Variants in WDFY2 observed in about 807,000 individuals in gnomAD.
The protein encoded by WDFY2 is WD repeat and FYVE domain containing 2, also known as WD repeat and FYVE domain-containing protein 2.
WDFY2 carries 36 observed loss-of-function variants against 56.4 expected under a neutral mutation model. The observed-to-expected ratio is 0.64, with a 90% CI of 0.49 to 0.84. The LOEUF is 0.84. Ranked by LOEUF, WDFY2 falls within the 40% of genes least tolerant of loss-of-function variation. The probability of loss-of-function intolerance (pLI) is 0.00; values close to 1 mark genes in which losing one functional copy is unlikely to be tolerated. For missense variants in WDFY2, 444 were observed against 512.2 expected, an observed-to-expected ratio of 0.87 and a Z score of 1.29; for synonymous variants, 176 against 183.7, an observed-to-expected ratio of 0.96 and a Z score of 0.34.
At chr13:51,648,898 G>A (rs1955312455) in intron 1 of WDFY2, among the ~76,000 whole-genome samples, 1 of 152,196 alleles carries the variant, frequency 6.6e-6, no homozygotes, top group African/African-American at 2.4e-5. Flanking sequence ...TGTAATCTCA[G>A]CACTTTGGGA....
chr13:51,698,414 A>T (rs548039593), intron 3 of WDFY2, among the ~76,000 whole-genome samples: 2 of 152,242 alleles, frequency 1.3e-5, no homozygotes, highest in Non-Finnish European at 2.9e-5. Context: ...GGATTTTAAC[A>T]AATTTTGTTT....
chr13:51,656,828 A>G (rs1955517475), intron 1 of WDFY2, among the ~76,000 whole-genome samples: 1 of 151,950 alleles, frequency 6.6e-6, no homozygotes, highest in South Asian at 2.1e-4. Flanking sequence ...TTTGAATGGA[A>G]TGTCTTTTTT....
At chr13:51,687,969 G>C (rs974189883) in intron 3 of WDFY2, among the ~76,000 whole-genome samples, 1 of 152,122 alleles carries the variant, frequency 6.6e-6, no homozygotes, top group Non-Finnish European at 1.5e-5. Flanking sequence ...ATGGGGATGC[G>C]CAGGTCACTG....
chr13:51,599,769 C>T (rs1026667077), intron 1 of WDFY2, among the ~76,000 whole-genome samples: 6 of 152,014 alleles, frequency 3.9e-5, no homozygotes, highest in African/African-American at 1.5e-4. Context: ...TTAATTCTGC[C>T]ATCTTGCAAT....
chr13:51,705,998 G>T (rs1952074715), intron 4 of WDFY2, among the ~76,000 whole-genome samples: 1 of 152,020 alleles, frequency 6.6e-6, no homozygotes, highest in Admixed American at 6.6e-5. Flanking sequence ...CATTTCCTAT[G>T]TCTTTGTTAA....
chr13:51,766,872 G>T lies in WDFY2; in HGVS notation c.*7103G>T, dbSNP rs895412933. On this transcript the variant is annotated 3_prime_UTR_variant, in exon 12 of 12. Coordinates refer to ENST00000298125, the MANE Select transcript of WDFY2 (RefSeq NM_052950.4). ...CTTGCTGTGCTGTTTAGCCCTGTGG[G>T]TTCTGTCCAGTTGGTGGGAGGGGGA... The T allele has an allele frequency of 2.0e-5, 3 of 152,286 alleles. No homozygotes were observed. Among genetic ancestry groups the T allele is most frequent in the African/African-American group, 7.2e-5 (3 of 41,450 alleles). 9.4% of individuals were successfully genotyped at this position (152,286 alleles called of 1,614,324 possible).
chr13:51,647,861 G>A (rs2138418733), intron 1 of WDFY2, among the ~76,000 whole-genome samples: 1 of 150,302 alleles, frequency 6.7e-6, no homozygotes, highest in East Asian at 2.0e-4. Flanking sequence ...GACTATGTAT[G>A]TGTATGCATG....
rs78464025 is a variant in WDFY2, at chr13:51,595,198, C to T, written c.137+10374C>T. Among the ~76,000 whole-genome samples, 333 of 152,228 alleles carry T rather than the reference C, an allele frequency of 2.2e-3. 2 individuals carry two copies. Among genetic ancestry groups the T allele is most frequent in the Admixed American group, 6.0e-3 (92 of 15,282 alleles). ...TGCCCTGAAATGGTATGTCCCTTGT[C>T]CCCACTGGTCTCCTGGACAGCAGGG... On this transcript the variant is annotated intron_variant, in intron 1 of 11. Coordinates refer to ENST00000298125, the MANE Select transcript of WDFY2 (RefSeq NM_052950.4).
chr13:51,717,223 T>A (rs1952373499), intron 4 of WDFY2, among the ~76,000 whole-genome samples: 1 of 152,204 alleles, frequency 6.6e-6, no homozygotes. Context: ...TTATGTATCT[T>A]TGAAATTTTT....
intron 6 of WDFY2, among the ~76,000 whole-genome samples, chr13:51,734,164 T>A (rs1952784670): frequency 6.6e-6 from 1 of 152,178 alleles, no homozygotes; most frequent in African/African-American, 2.4e-5. Context: ...CCCAGCAGTT[T>A]CCAACCCTGA....
chr13:51,686,728 A>G (rs964254411), intron 3 of WDFY2, among the ~76,000 whole-genome samples: 3 of 152,136 alleles, frequency 2.0e-5, no homozygotes, highest in African/African-American at 7.2e-5. Context: ...AAAAAGCAAC[A>G]CATTACTGTG....
intron 1 of WDFY2, among the ~76,000 whole-genome samples, chr13:51,628,917 C>T (rs1409776919): frequency 6.6e-6 from 1 of 152,188 alleles, no homozygotes; most frequent in African/African-American, 2.4e-5. Context: ...TTTGTATGCT[C>T]TGTGGGACTT....
chr13:51,676,110 T>C (rs1955883802), intron 3 of WDFY2, among the ~76,000 whole-genome samples: 1 of 152,176 alleles, frequency 6.6e-6, no homozygotes, highest in African/African-American at 2.4e-5. Context: ...TCTCTCCCAC[T>C]CCATCCTCCC....
rs949660272 is a variant in WDFY2 at position 51,765,816 on chromosome 13, G to C, written c.*6047G>C. On this transcript the variant is annotated 3_prime_UTR_variant, in exon 12 of 12. Transcript: ENST00000298125. ...ATTCTTTTTAAAGATGGTAAGGGTG[G>C]AAATTAATCATGGTACCATCTCATT... The C allele has an allele frequency of 1.3e-5, 2 of 152,160 alleles. No homozygotes were observed. Among genetic ancestry groups the C allele is most frequent in the African/African-American group, 2.4e-5 (1 of 41,416 alleles). The allele number at this position is 152,160 out of a possible 1,614,324, so 9.4% of individuals were successfully genotyped here.
At chr13:51,659,724 A>T (rs1396909513) in intron 1 of WDFY2, among the ~76,000 whole-genome samples, 3 of 152,006 alleles carry the variant, frequency 2.0e-5, no homozygotes, top group Admixed American at 6.6e-5. Context: ...CTGCAGCATC[A>T]CTCTGTTCCA....
At chr13:51,611,273 T>G (rs1954497625) in intron 1 of WDFY2, among the ~76,000 whole-genome samples, 1 of 152,210 alleles carries the variant, frequency 6.6e-6, no homozygotes, top group African/African-American at 2.4e-5. Flanking sequence ...TGCTGTTGCT[T>G]CACTTGGTCA....
intron 6 of WDFY2, among the ~76,000 whole-genome samples, chr13:51,735,786 A>G (rs1350137134): frequency 6.6e-6 from 1 of 152,128 alleles, no homozygotes; most frequent in Non-Finnish European, 1.5e-5. Context: ...ATTTATATAG[A>G]GCAGGCATGG....
chr13:51,703,499 C>G (rs963392930), intron 3 of WDFY2, 97 bp from the exon 4 acceptor site: 1 of 880,212 alleles, frequency 1.1e-6, no homozygotes, highest in African/African-American at 1.7e-5. Context: ...TGGATGTAAT[C>G]GTCATGACAA....
chr13:51,594,636 A>G (rs556610094), intron 1 of WDFY2, among the ~76,000 whole-genome samples: 16 of 152,342 alleles, frequency 1.1e-4, no homozygotes, highest in African/African-American at 1.4e-4. Context: ...TGTGTCTGCA[A>G]TGATAGCCCT....
Sources: gnomAD v4.1 joint callset for allele counts (sites outside exome capture counted in the v4.1 genomes callset) on GRCh38, gnomAD v4.1.1 for gene constraint, MANE v1.5 for transcripts, NCBI Gene and HGNC (gene_info 2026-07-23, HGNC 2026-07-21) for gene names.